Variants in MCM5 observed in about 807,000 individuals in gnomAD.
MCM5 encodes minichromosome maintenance complex component 5.
MCM5 carries 46 observed loss-of-function variants against 79.9 expected under a neutral mutation model. The observed-to-expected ratio is 0.58, with a 90% confidence interval of 0.45 to 0.74. The LOEUF is 0.74. MCM5 is among the 30% of genes least tolerant of loss of function. MCM5 has a pLI of 0.00. For missense variants in MCM5, 883 were observed against 1,017.0 expected (o/e 0.87, Z 1.79); for synonymous variants, 404 against 390.5 (o/e 1.03, Z -0.41).
chr22:35,400,408 C>T (rs756922655), intron 1 of MCM5, 23 bp from the exon 2 acceptor site: 8 of 1,613,690 alleles, frequency 5.0e-6, no homozygotes, highest in African/African-American at 2.7e-5. Context: ...CCAGCCTGTT[C>T]TGGCCGTTTG....
intron 2 of MCM5, 53 bp downstream of exon 2, chr22:35,400,658 C>G: frequency 6.6e-7 from 1 of 1,505,766 alleles, no homozygotes; most frequent in Non-Finnish European, 8.9e-7. Context: ...CGCTCACACG[C>G]CTCTACCAGC....
the MCM5 span, among the ~76,000 whole-genome samples, chr22:35,438,379 TCATCCATCCATCCATC>T: frequency 1.8e-5 from 2 of 110,114 alleles, no homozygotes; most frequent in Middle Eastern, 6.8e-3. Flanking sequence ...ATCCATCCAT[TCATCCATCCATCCATC>T]CACCCACCCA....
chr22:35,446,253 T>A, the MCM5 span, among the ~76,000 whole-genome samples: 1 of 152,182 alleles, frequency 6.6e-6, no homozygotes, highest in African/African-American at 2.4e-5. Flanking sequence ...AATAAGGGTA[T>A]GTCAGGGTGT....
intron 8 of MCM5, 134 bp from the exon 9 acceptor site, chr22:35,413,741 C>T (rs1410270337): frequency 3.1e-6 from 2 of 646,670 alleles, no homozygotes; most frequent in Admixed American, 4.7e-5. Context: ...AGGCCACAGC[C>T]ACTACCTTCT....
At position 35,406,617 on chromosome 22, in the gene MCM5, C is replaced by A; in HGVS notation, c.488C>A (p.Ala163Asp). Residue 163 changes from alanine to aspartate, a missense_variant, in exon 5 of 17, where the codon GCC (alanine) becomes GAC (aspartate). By Grantham distance (126) the Ala-to-Asp change is moderately radical (BLOSUM62 -2). Transcript: ENST00000216122. ...GIIIAASAVR[A>D]KATRISIQCR... Reference sequence around the variant, plus strand: ...ATCATCGCGGCCTCTGCGGTCCGTGCCAAGGCCACCCGCATCTCTATCCAG... The same window carrying A: ...ATCATCGCGGCCTCTGCGGTCCGTGACAAGGCCACCCGCATCTCTATCCAG... 1 of 1,613,368 alleles carries A rather than the reference C, an allele frequency of 6.2e-7. No individual in the cohort carries two copies. The highest frequency in any genetic ancestry group is 1.1e-5 in the South Asian group (1 of 91,084).
chr22:35,411,958 A>G (rs1398251598), intron 7 of MCM5, among the ~76,000 whole-genome samples: 6 of 152,096 alleles, frequency 3.9e-5, no homozygotes, highest in Non-Finnish European at 2.9e-5. Context: ...TGCTCAGACA[A>G]AAACCCCCAA....
chr22:35,445,325 C>T, the MCM5 span, among the ~76,000 whole-genome samples: 34 of 83,620 alleles, frequency 4.1e-4, no homozygotes, highest in Middle Eastern at 0.016. Context: ...TTTGACTATG[C>T]TTTTTTTTTT....
At position 35,421,389 on chromosome 22, in the gene MCM5, C is replaced by G; in HGVS notation, c.1904C>G (p.Ala635Gly). ...AAGCTGCAGCCCTTCGCCACAGAGG[C>G]AGATGTGGAGGAGGCCCTGCGGCTC... Reference protein sequence around the residue: ...KMKLQPFATEADVEEALRLFQ... With the variant: ...KMKLQPFATEGDVEEALRLFQ... Residue 635 changes from alanine (A) to glycine (G), a missense_variant, in exon 15 of 17, where the codon GCA (alanine) becomes GGA (glycine). Transcript: ENST00000216122. 1 of 1,614,132 alleles carries G rather than the reference C, an allele frequency of 6.2e-7. No homozygotes were observed.
chr22:35,428,947 T>G (rs1932794524), downstream of MCM5, among the ~76,000 whole-genome samples: 2 of 150,094 alleles, frequency 1.3e-5, no homozygotes, highest in Admixed American at 6.7e-5. Context: ...CGCATGCCAG[T>G]ATTCCCAGTT....
the MCM5 span, among the ~76,000 whole-genome samples, chr22:35,453,756 GACA>G: frequency 2.0e-5 from 3 of 148,532 alleles, no homozygotes; most frequent in Non-Finnish European, 4.4e-5. Flanking sequence ...GAGACAGACA[GACA>G]GAGAGGGACA....
chr22:35,419,504 C>T (rs763326772), intron 13 of MCM5, among the ~76,000 whole-genome samples: 2 of 152,152 alleles, frequency 1.3e-5, no homozygotes, highest in Non-Finnish European at 1.5e-5. Context: ...GCTGCAAAGC[C>T]CACCACCCAG....
At chr22:35,408,759 A>G (rs4645771) in intron 6 of MCM5, among the ~76,000 whole-genome samples, 196 bp downstream of exon 6, 28,083 of 152,214 alleles carry the variant, frequency 0.18, 2,972 homozygotes, top group African/African-American at 0.28. Context: ...CTGCAGGGGC[A>G]TGTCAGCCCC....
At chr22:35,435,556 T>C in the MCM5 span, among the ~76,000 whole-genome samples, 1 of 152,216 alleles carries the variant, frequency 6.6e-6, no homozygotes, top group Non-Finnish European at 1.5e-5. Flanking sequence ...GTCTGGCTTA[T>C]TTTTGAACTT....
intron 15 of MCM5, chr22:35,421,953 A>G: frequency 3.9e-6 from 1 of 257,726 alleles, no homozygotes. Context: ...CCCCTAGGCC[A>G]GCGTTTTCCA....
Position 35,412,506 on chromosome 22 carries a change from C to T in MCM5, c.920-4C>T. 2 of 1,537,790 alleles carry T rather than the reference C, an allele frequency of 1.3e-6. No homozygotes were observed. The highest frequency in any genetic ancestry group is 1.4e-5 in the African/African-American group (1 of 71,890). ...TCACTCATGCGCCTGCTTTGCCTAC[C>T]AAGGCCGCAGCTTTGCTGGGGCCGT... On this transcript the variant is annotated splice_polypyrimidine_tract_variant and splice_region_variant and intron_variant, in intron 7 of 16. Transcript: ENST00000216122.
intron 13 of MCM5, among the ~76,000 whole-genome samples, chr22:35,418,557 G>C (rs899551747): frequency 3.3e-5 from 5 of 151,986 alleles, no homozygotes; most frequent in Admixed American, 2.0e-4. Context: ...CTACTCAGGA[G>C]GCTGAGGCAG....
At chr22:35,406,429 C>T (rs983856938) in intron 4 of MCM5, 124 bp from the exon 5 acceptor site, 4 of 824,166 alleles carry the variant, frequency 4.9e-6, no homozygotes, top group Admixed American at 2.6e-5. Context: ...AACAGAAGAG[C>T]TGTGGCCCTC....
intron 7 of MCM5, chr22:35,411,288 CAT>C (rs1220845382): frequency 2.3e-5 from 4 of 172,728 alleles, no homozygotes; most frequent in Non-Finnish European, 5.0e-5. Flanking sequence ...CCGCTGGGGA[CAT>C]GTGGGTAAAG....
At chr22:35,408,369 C>A in intron 5 of MCM5, 39 bp from the exon 6 acceptor site, 1 of 1,583,292 alleles carries the variant, frequency 6.3e-7, no homozygotes, top group South Asian at 1.1e-5. Context: ...TTGGATTCTC[C>A]AGGTAGCTTT....
Sources: gnomAD v4.1 joint callset for allele counts (sites outside exome capture counted in the v4.1 genomes callset) on GRCh38, gnomAD v4.1.1 for gene constraint, MANE v1.5 for transcripts, NCBI Gene and HGNC (gene_info 2026-07-23, HGNC 2026-07-21) for gene names.